TTC7B: variants seen among roughly 807,000 people sequenced by gnomAD.
The protein encoded by TTC7B is tetratricopeptide repeat protein 7B.
A neutral mutation model predicts 106.8 loss-of-function variants in TTC7B; 28 were observed. The ratio of observed to expected loss-of-function variants is 0.26; its 90% CI spans 0.19 to 0.36. The LOEUF (loss-of-function observed/expected upper bound fraction) is 0.36. Among genes scored for constraint, TTC7B ranks in the 10% least tolerant of loss-of-function variants. TTC7B has a pLI of 1.00. For synonymous variants in TTC7B, 405 were observed against 430.6 expected (o/e 0.94, Z 0.74); for missense variants, 862 against 1,076.4 (o/e 0.80, Z 2.79).
intron 17 of TTC7B, among the ~76,000 whole-genome samples, chr14:90,598,334 C>T (rs1449745308): frequency 6.6e-6 from 1 of 152,182 alleles, no homozygotes. Flanking sequence ...AATGGCTTTC[C>T]TTGCCCTCCC....
intron 19 of TTC7B, among the ~76,000 whole-genome samples, chr14:90,573,678 C>T (rs1566777558): frequency 6.6e-6 from 1 of 152,180 alleles, no homozygotes; most frequent in Non-Finnish European, 1.5e-5. Context: ...TCCCTCTCGG[C>T]CCACAGGCCT....
intron 18 of TTC7B, among the ~76,000 whole-genome samples, chr14:90,585,000 T>C (rs1891655507): frequency 6.6e-6 from 1 of 152,142 alleles, no homozygotes; most frequent in Admixed American, 6.5e-5. Context: ...TCACTGGACT[T>C]AGCCTTAATT....
At chr14:90,632,752 G>A (rs1884756885) in intron 15 of TTC7B, among the ~76,000 whole-genome samples, 1 of 152,160 alleles carries the variant, frequency 6.6e-6, no homozygotes, top group African/African-American at 2.4e-5. Flanking sequence ...TATAATCTTG[G>A]ACAAATTACT....
At chr14:90,617,848 G>A in intron 16 of TTC7B, 81 bp downstream of exon 16, 1 of 1,117,820 alleles carries the variant, frequency 8.9e-7, no homozygotes, top group Non-Finnish European at 1.4e-6. Context: ...GTTAATGCCT[G>A]CTAAATGCCA....
chr14:90,802,697 C>A lies in TTC7B; in HGVS notation c.121+13478G>T, dbSNP rs960532039. 2.6e-5 allele frequency among the ~76,000 whole-genome samples: 4 copies of A among 151,988 alleles called. No individual in the cohort carries two copies. The highest frequency in any genetic ancestry group is 1.9e-4 in the East Asian group (1 of 5,152). On this transcript the variant is annotated intron_variant, in intron 1 of 19. Transcript: ENST00000328459. This position sits in a 1 kb window ranked among gnomAD's most constrained non-coding sequence, Gnocchi z 4.7. ...GGTGCTCCTCCCGGTCTTTGGTCAC[C>A]ATTTGCAAGTAGTCAACAGGGTTGA...
intron 2 of TTC7B, among the ~76,000 whole-genome samples, chr14:90,782,712 C>G (rs1177390080): frequency 6.6e-6 from 1 of 152,142 alleles, no homozygotes; most frequent in Non-Finnish European, 1.5e-5. Flanking sequence ...CTTCCCCAAG[C>G]TTCTAGCCTC....
chr14:90,705,941 T>C lies in TTC7B; in HGVS notation c.699-10363A>G, dbSNP rs73328880. Among the ~76,000 whole-genome samples, 562 of 152,328 alleles carry C rather than the reference T, an allele frequency of 3.7e-3. 6 individuals carry two copies. The highest frequency in any genetic ancestry group is 0.012 in the African/African-American group (509 of 41,584). On this transcript the variant is annotated intron_variant, in intron 5 of 19. Coordinates refer to ENST00000328459, the MANE Select transcript of TTC7B (RefSeq NM_001010854.2). ...ACTGCACATTCATGCTACAGTTCAATACATGCCTCTGTTCTCTGTATTTCC... is the reference window on the plus strand; with the variant it reads ...ACTGCACATTCATGCTACAGTTCAACACATGCCTCTGTTCTCTGTATTTCC...
At chr14:90,737,428 A>ATT (rs1889578872) in intron 4 of TTC7B, among the ~76,000 whole-genome samples, 1 of 152,198 alleles carries the variant, frequency 6.6e-6, no homozygotes, top group African/African-American at 2.4e-5. Flanking sequence ...CAATGGCACA[A>ATT]TTATTTAACA....
chr14:90,567,616 G>A (rs1890853340), intron 19 of TTC7B: 2 of 152,310 alleles, frequency 1.3e-5, no homozygotes, highest in South Asian at 4.1e-4. Context: ...GAAGGCAGGT[G>A]CTAGTCTCCC....
At chr14:90,554,578 T>C (rs1004489574) in intron 19 of TTC7B, among the ~76,000 whole-genome samples, 1 of 152,202 alleles carries the variant, frequency 6.6e-6, no homozygotes. Flanking sequence ...GCACAGGCTG[T>C]CACTCGAGCC....
intron 5 of TTC7B, 89 bp from the exon 6 acceptor site, chr14:90,695,667 T>A (rs941554493): frequency 1.3e-6 from 1 of 756,406 alleles, no homozygotes; most frequent in Non-Finnish European, 2.0e-6. Flanking sequence ...TTTGTCTGCA[T>A]AAAAGCTGTT....
At chr14:90,616,440 G>A (rs1236327491) in intron 16 of TTC7B, among the ~76,000 whole-genome samples, 2 of 151,848 alleles carry the variant, frequency 1.3e-5, no homozygotes, top group Non-Finnish European at 2.9e-5. Context: ...TTCACCAAGC[G>A]AAGGGCGGGT....
intron 7 of TTC7B, among the ~76,000 whole-genome samples, chr14:90,681,820 C>T (rs989823997): frequency 4.6e-5 from 7 of 152,272 alleles, no homozygotes; most frequent in African/African-American, 1.7e-4. Context: ...TGGAATAGAG[C>T]CTAAAGGCTC....
intron 1 of TTC7B, among the ~76,000 whole-genome samples, chr14:90,813,672 CTTTT>C (rs374826647): frequency 7.1e-6 from 1 of 140,814 alleles, no homozygotes; most frequent in African/African-American, 2.6e-5. Flanking sequence ...ACACTGTATT[CTTTT>C]TTTTTTTTTT....
intron 3 of TTC7B, among the ~76,000 whole-genome samples, chr14:90,751,447 T>C (rs1028661804): frequency 1.9e-4 from 29 of 152,182 alleles, no homozygotes; most frequent in Non-Finnish European, 2.2e-4. Context: ...CAGGCTGCAG[T>C]ACAGTGGCAT....
intron 1 of TTC7B, among the ~76,000 whole-genome samples, chr14:90,799,357 C>G (rs1347666846): frequency 6.6e-6 from 1 of 152,218 alleles, no homozygotes; most frequent in African/African-American, 2.4e-5. Flanking sequence ...GCACCAAGGA[C>G]TTACAGCTAT....
chr14:90,713,685 G>C (rs919462159), intron 5 of TTC7B, among the ~76,000 whole-genome samples: 6 of 152,154 alleles, frequency 3.9e-5, no homozygotes, highest in South Asian at 2.1e-4. Flanking sequence ...CCACTCCTAT[G>C]AATCTACCCA....
chr14:90,782,524 A>G (rs1047371493), intron 2 of TTC7B, among the ~76,000 whole-genome samples: 1 of 152,128 alleles, frequency 6.6e-6, no homozygotes, highest in Non-Finnish European at 1.5e-5. Flanking sequence ...ACTTGAACCC[A>G]GGAGGCGGAG....
At position 90,529,319 on chromosome 14, in the gene TTC7B, G is replaced by C. The variant is rs1165822982; in HGVS notation, c.*12049C>G. 6.6e-6 allele frequency: 1 copy of C among 152,440 alleles called. No individual in the cohort carries two copies. Among genetic ancestry groups the C allele is most frequent in the East Asian group, 1.9e-4 (1 of 5,206 alleles). 9.4% of individuals were successfully genotyped at this position (152,440 alleles called of 1,614,324 possible). A position where few individuals can be genotyped will look rare whatever the true frequency, so the allele number is the denominator to read the frequency against. ...ACCGCTAATGACTGGCTACCACACA[G>C]AGGTTCCAGGCAGAGTCTAGCTACT... On this transcript the variant is annotated 3_prime_UTR_variant, in exon 20 of 20. Coordinates refer to ENST00000328459, the MANE Select transcript of TTC7B (RefSeq NM_001010854.2).
Sources: gnomAD v4.1 joint callset for allele counts (sites outside exome capture counted in the v4.1 genomes callset) on GRCh38, gnomAD v4.1.1 for gene constraint, Gnocchi (gnomAD v3.1) non-coding constraint, MANE v1.5 for transcripts, NCBI Gene and HGNC (gene_info 2026-07-23, HGNC 2026-07-21) for gene names.